The following NARS2 variants were observed in gnomAD, a reference collection of about 807,000 sequenced individuals.
The protein encoded by NARS2 is asparaginyl-tRNA synthetase 2, mitochondrial, also known as asparaginyl-tRNA synthetase.
In NARS2, 60 loss-of-function variants were observed where a neutral mutation model predicts 62.9. The observed-to-expected ratio is 0.95, with a 90% CI of 0.77 to 1.18. NARS2 has a LOEUF of 1.18. NARS2 is among the 50% of genes most tolerant of loss of function. The pLI, the probability that NARS2 is intolerant of heterozygous loss-of-function variation, is 0.00. For missense variants in NARS2, 619 were observed against 576.4 expected (o/e 1.07, Z -0.76); for synonymous variants, 196 against 200.0 (o/e 0.98, Z 0.17).
intron 6 of NARS2, among the ~76,000 whole-genome samples, chr11:78,515,492 G>A (rs991324239): frequency 6.6e-6 from 1 of 152,118 alleles, no homozygotes; most frequent in Non-Finnish European, 1.5e-5. Context: ...ACAACTTTGT[G>A]ATCATAGTAA....
intron 6 of NARS2, among the ~76,000 whole-genome samples, chr11:78,510,401 A>G (rs908359272): frequency 6.6e-6 from 1 of 152,224 alleles, no homozygotes; most frequent in African/African-American, 2.4e-5. Context: ...TTATGCATTA[A>G]TAGGTTCAAT....
chr11:78,497,241 G>GAA (rs35740309), intron 6 of NARS2, among the ~76,000 whole-genome samples: 2,326 of 107,054 alleles, frequency 0.022, 88 homozygotes, highest in African/African-American at 0.086. Flanking sequence ...AAGCAAAATT[G>GAA]AAAAAAAAAA....
intron 5 of NARS2, among the ~76,000 whole-genome samples, chr11:78,558,905 T>C (rs998207392): frequency 6.6e-6 from 1 of 152,232 alleles, no homozygotes; most frequent in African/African-American, 2.4e-5. Flanking sequence ...TAACTGTGGA[T>C]TGAATCTGCG....
chr11:78,453,779 C>A (rs775216817), intron 11 of NARS2, among the ~76,000 whole-genome samples: 1 of 152,108 alleles, frequency 6.6e-6, no homozygotes, highest in Admixed American at 6.6e-5. Context: ...AAACTAGGTA[C>A]AATTAGGAAA....
intron 11 of NARS2, among the ~76,000 whole-genome samples, chr11:78,444,563 C>CA (rs1158518140): frequency 2.6e-5 from 4 of 151,592 alleles, no homozygotes; most frequent in Admixed American, 6.6e-5. Flanking sequence ...TACTAAAATA[C>CA]AAAAAATTAA....
At chr11:78,509,425 A>G (rs952257366) in intron 6 of NARS2, among the ~76,000 whole-genome samples, 3 of 152,228 alleles carry the variant, frequency 2.0e-5, no homozygotes, top group African/African-American at 4.8e-5. Flanking sequence ...ACACATGATT[A>G]TAATTGTAAA....
At chr11:78,515,785 AAGCCCTGAGATTAC>A (rs1290805466) in intron 6 of NARS2, among the ~76,000 whole-genome samples, 1 of 152,170 alleles carries the variant, frequency 6.6e-6, no homozygotes, top group African/African-American at 2.4e-5. Context: ...CGGCCTCCCA[AAGCCCTGAGATTAC>A]AGCCCTGAGC....
Position 78,436,809 on chromosome 11 carries a change from A to G in NARS2, c.1295T>C (p.Leu432Pro). ...SGLTEVYQWY[L>P]DLRRFGSVPH... Reference sequence around the variant, plus strand: ...CACAGATCCAAATCGACGAAGGTCCAGATACCTGTTTTTCAAAAATAGAAA... The same window carrying G: ...CACAGATCCAAATCGACGAAGGTCCGGATACCTGTTTTTCAAAAATAGAAA... Residue 432 changes from leucine (L) to proline (P), a missense_variant, in exon 14 of 14, where the codon CTG becomes CCG. Physicochemically the swap from Leu to Pro is moderately conservative, Grantham distance 98. Transcript: ENST00000281038. 1 of 1,613,630 alleles carries G rather than the reference A, an allele frequency of 6.2e-7. No individual in the cohort carries two copies. The highest frequency in any genetic ancestry group is 8.5e-7 in the Non-Finnish European group (1 of 1,179,848).
chr11:78,502,774 TG>T (rs959302836), intron 6 of NARS2, among the ~76,000 whole-genome samples: 22 of 152,150 alleles, frequency 1.4e-4, no homozygotes, highest in African/African-American at 5.3e-4. Context: ...GTGAATCAGC[TG>T]AGGCTGTCAG....
intron 7 of NARS2, among the ~76,000 whole-genome samples, chr11:78,488,235 A>T (rs989116283): frequency 1.9e-4 from 10 of 51,660 alleles, no homozygotes; most frequent in African/African-American, 3.2e-4. Flanking sequence ...CCTACCTGGT[A>T]AAAAAAAAAA....
intron 5 of NARS2, chr11:78,546,365 T>C (rs1311470591): frequency 6.6e-6 from 1 of 152,252 alleles, no homozygotes; most frequent in South Asian, 2.1e-4. Flanking sequence ...TTCCACCATG[T>C]CCTACTGATT....
chr11:78,506,387 A>C (rs1454854502), intron 6 of NARS2, among the ~76,000 whole-genome samples: 1 of 152,210 alleles, frequency 6.6e-6, no homozygotes. Context: ...ATTTTCAGAG[A>C]GCTTCATCAT....
intron 6 of NARS2, among the ~76,000 whole-genome samples, chr11:78,503,502 G>A (rs1590786343): frequency 6.6e-6 from 1 of 152,210 alleles, no homozygotes; most frequent in South Asian, 2.1e-4. Flanking sequence ...CCTCCCAAAG[G>A]GCTGGGATTA....
intron 11 of NARS2, among the ~76,000 whole-genome samples, chr11:78,455,962 T>C (rs1221392554): frequency 6.6e-6 from 1 of 152,058 alleles, no homozygotes; most frequent in Non-Finnish European, 1.5e-5. Flanking sequence ...AGATGTCAAT[T>C]TGGAACGTCA....
chr11:78,450,299 A>T (rs1857921274), intron 11 of NARS2, among the ~76,000 whole-genome samples: 1 of 152,278 alleles, frequency 6.6e-6, no homozygotes, highest in African/African-American at 2.4e-5. Context: ...TAAACGAATC[A>T]GTATGGAAGA....
At chr11:78,514,294 G>A (rs983627492) in intron 6 of NARS2, among the ~76,000 whole-genome samples, 1 of 152,070 alleles carries the variant, frequency 6.6e-6, no homozygotes, top group Non-Finnish European at 1.5e-5. Context: ...GCTAAGTTTT[G>A]TATTTTTTGC....
At chr11:78,466,117 G>C in intron 10 of NARS2, 104 bp from the exon 11 acceptor site, 1 of 1,207,930 alleles carries the variant, frequency 8.3e-7, no homozygotes, top group Non-Finnish European at 1.2e-6. Flanking sequence ...TCATCTTCCT[G>C]AGGCTCCATG....
chr11:78,446,080 A>G (rs1857750224), intron 11 of NARS2, among the ~76,000 whole-genome samples: 2 of 152,250 alleles, frequency 1.3e-5, no homozygotes, highest in Admixed American at 6.5e-5. Context: ...TTCATGTAAC[A>G]AATGAAAAAT....
chr11:78,436,839 T>C (rs1367594130), intron 13 of NARS2, 25 bp from the exon 14 acceptor site: 2 of 1,607,970 alleles, frequency 1.2e-6, no homozygotes, highest in Non-Finnish European at 1.7e-6. Context: ...TAGAAAATCA[T>C]CATCTATATA....
Sources: gnomAD v4.1 joint callset for allele counts (sites outside exome capture counted in the v4.1 genomes callset) on GRCh38, gnomAD v4.1.1 for gene constraint, MANE v1.5 for transcripts, NCBI Gene and HGNC (gene_info 2026-07-23, HGNC 2026-07-21) for gene names.